The following ZIM2 variants were observed in gnomAD, a reference collection of about 807,000 sequenced individuals.
ZIM2 encodes the protein zinc finger protein 656.
ZIM2 carries 14 observed loss-of-function variants against 38.6 expected under a neutral mutation model. That is an observed-to-expected ratio of 0.36 (90% CI 0.24 to 0.57). The LOEUF is 0.57. Ranked by LOEUF, ZIM2 falls within the 20% of genes least tolerant of loss-of-function variation. The probability of loss-of-function intolerance (pLI) is 0.81; values close to 1 mark genes in which losing one functional copy is unlikely to be tolerated. For missense variants in ZIM2, 680 were observed against 695.1 expected (o/e 0.98, Z 0.24); for synonymous variants, 247 against 245.8 (o/e 1.00, Z -0.04).
In ZIM2 at chr19:56,775,407, C is replaced by G. The variant is rs201186893; in HGVS notation, c.958G>C (p.Glu320Gln). ...TGTTTACTAAGATTAGAGCTTCTCT[C>G]AAATTCATCACTGCCATAGCTTCTT... is the stretch of plus-strand genomic sequence containing the variant. ...PERSYGSDEF[E>Q]RSSNLSKQSK... Residue 320 changes from glutamate (E) to glutamine (Q), a missense_variant, in exon 13 of 13, where the codon GAG becomes CAG. Glu to Gln is a conservative substitution (Grantham distance 29). Coordinates refer to ENST00000629319, the MANE Select transcript of ZIM2 (RefSeq NM_001387356.1). The G allele has an allele frequency of 3.7e-6, 6 of 1,614,134 alleles. No homozygotes were observed. The highest frequency in any genetic ancestry group is 5.1e-6 in the Non-Finnish European group (6 of 1,180,018).
intron 10 of ZIM2, among the ~76,000 whole-genome samples, chr19:56,782,828 T>C (rs1276776506): frequency 1.3e-5 from 2 of 152,054 alleles, no homozygotes; most frequent in African/African-American, 4.8e-5. Context: ...GAATGGGGTA[T>C]CCATCCCCTT....
At chr19:56,810,875 T>A in intron 9 of ZIM2, 3 of 966,106 alleles carry the variant, frequency 3.1e-6, no homozygotes, top group Non-Finnish European at 3.7e-6. Flanking sequence ...GGGTATGTAT[T>A]ATGCACACCA....
chr19:56,829,796 G>A (rs1002808837), intron 2 of ZIM2, among the ~76,000 whole-genome samples: 1 of 152,196 alleles, frequency 6.6e-6, no homozygotes, highest in Non-Finnish European at 1.5e-5. Context: ...ACCCTGACTG[G>A]GGAAGACCAG....
intron 2 of ZIM2, chr19:56,833,180 C>CT: frequency 3.9e-6 from 2 of 517,156 alleles, no homozygotes; most frequent in South Asian, 2.8e-5. Flanking sequence ...CACATCCCAT[C>CT]TGATGCAGGA....
intron 2 of ZIM2, among the ~76,000 whole-genome samples, chr19:56,835,194 T>C (rs1258422434): frequency 2.0e-5 from 3 of 152,162 alleles, no homozygotes; most frequent in South Asian, 4.1e-4. Context: ...TTCTGCACCC[T>C]GAAACCAGAT....
chr19:56,810,141 A>AT, intron 9 of ZIM2: 1 of 973,588 alleles, frequency 1.0e-6, no homozygotes, highest in Non-Finnish European at 1.2e-6. Context: ...CCACAACCAT[A>AT]TTAACAAACC....
chr19:56,808,857 C>T (rs1279625611), intron 9 of ZIM2, among the ~76,000 whole-genome samples: 1 of 152,126 alleles, frequency 6.6e-6, no homozygotes, highest in Non-Finnish European at 1.5e-5. Flanking sequence ...GGTCTATTTC[C>T]TTCTAGGCCT....
intron 9 of ZIM2, chr19:56,813,289 G>A (rs1261131837): frequency 1.1e-6 from 1 of 933,910 alleles, no homozygotes; most frequent in Non-Finnish European, 1.3e-6. Flanking sequence ...AAATATATGT[G>A]ATCACTGTTC....
At chr19:56,776,076 G>C (rs995391641) in intron 12 of ZIM2, among the ~76,000 whole-genome samples, 1 of 143,100 alleles carries the variant, frequency 7.0e-6, no homozygotes, top group African/African-American at 2.7e-5. Context: ...ACTGCAGCCT[G>C]GATGACAGAG....
intron 2 of ZIM2, among the ~76,000 whole-genome samples, chr19:56,829,232 T>C (rs191061238): frequency 1.3e-4 from 20 of 151,300 alleles, no homozygotes; most frequent in Admixed American, 1.3e-4. Context: ...TAATCCCAGC[T>C]ACTCAGGAGG....
At chr19:56,838,883 C>T (rs748683921) in intron 1 of ZIM2, among the ~76,000 whole-genome samples, 18 of 152,180 alleles carry the variant, frequency 1.2e-4, no homozygotes, top group African/African-American at 3.9e-4. Context: ...ACCTATGCGG[C>T]AAACCGCAGC....
chr19:56,824,583 T>C (rs374234532), intron 3 of ZIM2, 156 bp from the exon 4 acceptor site: 26 of 1,614,140 alleles, frequency 1.6e-5, no homozygotes, highest in Non-Finnish European at 2.0e-5. Context: ...GTCAAGTCAC[T>C]GTCTAGCTCA....
intron 9 of ZIM2, chr19:56,812,000 A>G (rs2059572697): frequency 1.0e-6 from 1 of 985,134 alleles, no homozygotes; most frequent in African/African-American, 1.7e-5. Context: ...CATCTTTGAC[A>G]TACTTCCAAG....
At chr19:56,822,473 A>C (rs1339742947) in intron 6 of ZIM2, 8 of 376,278 alleles carry the variant, frequency 2.1e-5, no homozygotes, top group African/African-American at 1.7e-4. Flanking sequence ...GCAGTGGCAT[A>C]GTCTTTCATA....
At chr19:56,823,827 G>T in intron 4 of ZIM2, 148 bp from the exon 5 acceptor site, 1 of 961,722 alleles carries the variant, frequency 1.0e-6, no homozygotes, top group Non-Finnish European at 1.6e-6. Context: ...ACCCTTCAGC[G>T]GCTTCCAACC....
intron 10 of ZIM2, among the ~76,000 whole-genome samples, chr19:56,783,914 T>C (rs1239029627): frequency 1.3e-5 from 2 of 152,206 alleles, no homozygotes; most frequent in Non-Finnish European, 2.9e-5. Flanking sequence ...TTAGCAAATC[T>C]GAATATAGAA....
intron 1 of ZIM2, among the ~76,000 whole-genome samples, chr19:56,840,035 C>T (rs771797980): frequency 5.3e-5 from 8 of 152,236 alleles, no homozygotes; most frequent in Non-Finnish European, 8.8e-5. Context: ...CAAGCCCCGC[C>T]CCCAGAGGGT....
In ZIM2 at chr19:56,814,255, T is replaced by C. The variant is rs764412905; in HGVS notation, c.490+3491A>G. ...TGGCTCGGCAGCCTCCACTTCTGGC[T>C]CAGCAGCCTCTACGTTTAAGCCCTG... On this transcript the variant is annotated intron_variant, in intron 9 of 12. Coordinates refer to ENST00000629319, the MANE Select transcript of ZIM2 (RefSeq NM_001387356.1). This position sits in a 1 kb window ranked among gnomAD's most constrained non-coding sequence, Gnocchi z 5.8. 4 of 1,613,582 alleles carry C rather than the reference T, an allele frequency of 2.5e-6. No homozygotes were observed. Among genetic ancestry groups the C allele is most frequent in the Non-Finnish European group, 3.4e-6 (4 of 1,179,934 alleles).
chr19:56,829,642 T>G (rs1284207341), intron 2 of ZIM2, among the ~76,000 whole-genome samples: 1 of 152,202 alleles, frequency 6.6e-6, no homozygotes, highest in African/African-American at 2.4e-5. Context: ...GTGGGCCATA[T>G]GCAATGAGGT....
Sources: gnomAD v4.1 joint callset for allele counts (sites outside exome capture counted in the v4.1 genomes callset) on GRCh38, gnomAD v4.1.1 for gene constraint, Gnocchi (gnomAD v3.1) non-coding constraint, MANE v1.5 for transcripts, NCBI Gene and HGNC (gene_info 2026-07-23, HGNC 2026-07-21) for gene names.